The following PHLDB3 variants were observed in gnomAD, a reference collection of about 807,000 sequenced individuals.
PHLDB3 encodes pleckstrin homology-like domain family B member 3.
A neutral mutation model predicts 85.7 loss-of-function variants in PHLDB3; 86 were observed. The ratio of observed to expected loss-of-function variants is 1.00; its 90% CI spans 0.84 to 1.20. PHLDB3 has a LOEUF of 1.20. Among genes scored for constraint, PHLDB3 ranks in the 50% most tolerant of loss-of-function variants. The pLI is 0.00. For missense variants in PHLDB3, 995 were observed against 873.0 expected (o/e 1.14, Z -1.76); for synonymous variants, 376 against 349.8 (o/e 1.07, Z -0.83).
intron 2 of PHLDB3, among the ~76,000 whole-genome samples, chr19:43,502,494 G>A (rs968997166): frequency 2.1e-5 from 3 of 143,398 alleles, no homozygotes; most frequent in African/African-American, 7.8e-5. Flanking sequence ...GGTCTCACTG[G>A]CTGGAGTGCA....
rs954295719 is a variant in PHLDB3 at position 43,479,450 on chromosome 19, G to A, written c.1629C>T (p.Gly543=). Residue 543 remains glycine, a synonymous_variant, in exon 14 of 16, where the codon GGC becomes GGT. Coordinates refer to ENST00000292140, the MANE Select transcript of PHLDB3 (RefSeq NM_198850.4). ...GCTTCCTCCAGGTCTTGATGCGGCCGCCCATCTTCACCAGGGGTCCACGGC... is the reference window on the plus strand; with the variant it reads ...GCTTCCTCCAGGTCTTGATGCGGCCACCCATCTTCACCAGGGGTCCACGGC... ...CCCRGPLVKM[G]GRIKTWRKRW... 16 of 1,565,862 alleles carry A rather than the reference G, an allele frequency of 1.0e-5. No homozygotes were observed. Among genetic ancestry groups the A allele is most frequent in the South Asian group, 3.5e-5 (3 of 84,918 alleles).
At chr19:43,503,809 G>A in intron 2 of PHLDB3, 97 bp downstream of exon 2, 1 of 1,415,468 alleles carries the variant, frequency 7.1e-7, no homozygotes, top group Admixed American at 1.9e-5. Flanking sequence ...CCGGGTCTCT[G>A]TCTTTCTGGT....
In PHLDB3 at chr19:43,492,979, A is replaced by G. The variant is rs550301715; in HGVS notation, c.1149+1723T>C. Among the ~76,000 whole-genome samples the G allele has an allele frequency of 8.7e-4, 133 of 152,212 alleles. No individual in the cohort carries two copies. The South Asian group carries it at 0.018, about 21-fold the overall frequency. On this transcript the variant is annotated intron_variant, in intron 9 of 15. Coordinates refer to ENST00000292140, the MANE Select transcript of PHLDB3 (RefSeq NM_198850.4). ...ACAATCTCCAAGATAGAGTTAAGTT[A>G]AAAAATAAAAACCAGTGGGCCAGGC... is the stretch of plus-strand genomic sequence containing the variant.
intron 9 of PHLDB3, among the ~76,000 whole-genome samples, chr19:43,487,585 A>AAAAAAAC (rs763278067): frequency 0.084 from 11,852 of 141,606 alleles, 1,155 homozygotes; most frequent in African/African-American, 0.13. Context: ...AAAAAAAAAA[A>AAAAAAAC]AAAAAAACAC....
At position 43,479,502 on chromosome 19, in the gene PHLDB3, G is replaced by A. The variant is rs1343945971; in HGVS notation, c.1577C>T (p.Pro526Leu). Reference sequence around the variant, plus strand: ...GCAGCACCCAGACACCTGCACATGTGGGCAGTTTTCCGGGTTGTGGCCCCA... The same window carrying A: ...GCAGCACCCAGACACCTGCACATGTAGGCAGTTTTCCGGGTTGTGGCCCCA... ...EGWGHNPENC[P>L]HVQVSGCCCR... Residue 526 changes from proline to leucine, a missense_variant, in exon 14 of 16, where the codon CCA (proline) becomes CTA (leucine). Coordinates refer to ENST00000292140, the MANE Select transcript of PHLDB3 (RefSeq NM_198850.4). The A allele has an allele frequency of 1.3e-6, 2 of 1,556,782 alleles. No homozygotes were observed. Among genetic ancestry groups the A allele is most frequent in the Non-Finnish European group, 1.7e-6 (2 of 1,150,302 alleles).
At position 43,497,170 on chromosome 19, in the gene PHLDB3, TG is replaced by T; in HGVS notation, c.772del (p.Gln258ArgfsTer47). 7 of 1,559,002 alleles carry T rather than the reference TG, an allele frequency of 4.5e-6. No homozygotes were observed. The highest frequency in any genetic ancestry group is 3.9e-5 in the Admixed American group (2 of 51,726). On this transcript the variant is annotated frameshift_variant, in exon 6 of 16. Coordinates refer to ENST00000292140, the MANE Select transcript of PHLDB3 (RefSeq NM_198850.4). LOFTEE classifies it high-confidence loss of function. ...TTCCTGGACCTTGGGGTCTGGCACC[TG>T]GGGCCCAGGGCTGTCCCGATCCTCC... ...EEEDRDSPGP[Q>X]VPDPKVQELQ... is the part of the protein sequence containing the mutation.
At chr19:43,481,030 G>T (rs966927728) in intron 13 of PHLDB3, among the ~76,000 whole-genome samples, 1 of 152,128 alleles carries the variant, frequency 6.6e-6, no homozygotes, top group Non-Finnish European at 1.5e-5. Context: ...AAGCAGATCC[G>T]CTGGGGATTT....
intron 12 of PHLDB3, 62 bp from the exon 13 acceptor site, chr19:43,486,384 G>C: frequency 6.7e-7 from 1 of 1,492,458 alleles, no homozygotes; most frequent in Non-Finnish European, 9.1e-7. Context: ...AGGGTGGCTG[G>C]AGAATGTCCT....
intron 4 of PHLDB3, among the ~76,000 whole-genome samples, chr19:43,500,472 GAC>G (rs1424394185): frequency 6.6e-6 from 1 of 152,134 alleles, no homozygotes; most frequent in South Asian, 2.1e-4. Flanking sequence ...GTATGGGGAA[GAC>G]ACAGCGGGTA....
chr19:43,494,287 G>A lies in PHLDB3; in HGVS notation c.1149+415C>T, dbSNP rs148232268. 8.6e-4 allele frequency among the ~76,000 whole-genome samples: 131 copies of A among 152,234 alleles called. 3 individuals carry two copies. The East Asian group carries it at 0.015, about 18-fold the overall frequency. On this transcript the variant is annotated intron_variant, in intron 9 of 15. Transcript: ENST00000292140. ...GGCCTCCCAAAGTGCTGGGATTACA[G>A]GCATGAGCCACCATGCTGGGCGCCT...
At chr19:43,502,324 C>G in intron 2 of PHLDB3, 41 bp from the exon 3 acceptor site, 2 of 1,516,466 alleles carry the variant, frequency 1.3e-6, no homozygotes, top group Non-Finnish European at 1.8e-6. Flanking sequence ...GATGCCTCGC[C>G]CCCTGCAATC....
chr19:43,489,880 A>G (rs1375717109), intron 9 of PHLDB3, among the ~76,000 whole-genome samples: 1 of 151,702 alleles, frequency 6.6e-6, no homozygotes, highest in South Asian at 2.1e-4. Context: ...GGTGGTGGGC[A>G]CCTGTAATTC....
chr19:43,495,411 G>A, intron 7 of PHLDB3, 72 bp from the exon 8 acceptor site: 1 of 1,598,190 alleles, frequency 6.3e-7, no homozygotes, highest in Non-Finnish European at 8.5e-7. Flanking sequence ...CTAATGTCAG[G>A]AGACATCTGG....
intron 3 of PHLDB3, 30 bp from the exon 4 acceptor site, chr19:43,501,901 C>A: frequency 6.4e-7 from 1 of 1,559,596 alleles, no homozygotes. Flanking sequence ...GCTGGGGGCT[C>A]GGACGCCTAG....
Position 43,502,614 on chromosome 19 carries a change from C to CTTTTTT in PHLDB3, c.214-337_214-332dup, listed in dbSNP as rs71336869. On this transcript the variant is annotated intron_variant, in intron 2 of 15. Transcript: ENST00000292140. ...CAGGCGCGCACCGCCACGCCAAGCTCTTTTTTTTTTTTTTTTTTTTTGGCA... is the reference window on the plus strand; with the variant it reads ...CAGGCGCGCACCGCCACGCCAAGCTCTTTTTTTTTTTTTTTTTTTTTTTTTTTGGCA... Among the ~76,000 whole-genome samples, 160 of 114,784 alleles carry CTTTTTT rather than the reference C, an allele frequency of 1.4e-3. 1 individual carries two copies. The highest frequency in any genetic ancestry group is 5.4e-3 in the African/African-American group (153 of 28,268). 75.3% of individuals were successfully genotyped at this position (114,784 alleles called of 152,430 possible).
chr19:43,481,395 G>T (rs984478992), intron 13 of PHLDB3, among the ~76,000 whole-genome samples: 1 of 152,196 alleles, frequency 6.6e-6, no homozygotes, highest in African/African-American at 2.4e-5. Flanking sequence ...AAGGTGGGGG[G>T]ATCACCTGAG....
At chr19:43,504,175 G>T (rs1971695047) in intron 1 of PHLDB3, 43 bp from the exon 2 acceptor site, 2 of 1,500,828 alleles carry the variant, frequency 1.3e-6, no homozygotes, top group Middle Eastern at 2.4e-4. Context: ...GCGGGGCCTA[G>T]GACGGCTGAG....
chr19:43,486,386 G>C, intron 12 of PHLDB3, 64 bp from the exon 13 acceptor site: 1 of 1,476,410 alleles, frequency 6.8e-7, no homozygotes, highest in Non-Finnish European at 9.2e-7. Flanking sequence ...GGTGGCTGGA[G>C]AATGTCCTAG....
chr19:43,499,078 G>C (rs1971531036), intron 4 of PHLDB3, among the ~76,000 whole-genome samples: 1 of 152,136 alleles, frequency 6.6e-6, no homozygotes, highest in Non-Finnish European at 1.5e-5. Flanking sequence ...CAGGGGTGGA[G>C]AGCAGCTGCC....
Sources: gnomAD v4.1 joint callset for allele counts (sites outside exome capture counted in the v4.1 genomes callset) on GRCh38, gnomAD v4.1.1 for gene constraint, MANE v1.5 for transcripts, NCBI Gene and HGNC (gene_info 2026-07-23, HGNC 2026-07-21) for gene names.